The following ARVCF variants were observed in gnomAD, a reference collection of about 807,000 sequenced individuals.
ARVCF encodes splicing regulator ARVCF.
Under a neutral mutation model 90.9 loss-of-function variants are expected in ARVCF, and 66 were observed. The ratio of observed to expected loss-of-function variants is 0.73; its 90% confidence interval spans 0.60 to 0.89. ARVCF has a LOEUF of 0.89. Among genes scored for constraint, ARVCF ranks in the 40% least tolerant of loss-of-function variants. ARVCF has a pLI of 0.00. For missense variants in ARVCF, 1,469 were observed against 1,382.3 expected, an observed-to-expected ratio of 1.06 and a Z score of -1.00; for synonymous variants, 653 against 603.4, an observed-to-expected ratio of 1.08 and a Z score of -1.21.
intron 3 of ARVCF, among the ~76,000 whole-genome samples, chr22:19,989,387 CGACACCAAGTCTG>C (rs1943942707): frequency 6.6e-6 from 1 of 152,150 alleles, no homozygotes; most frequent in Non-Finnish European, 1.5e-5. Flanking sequence ...GCCTGCTGGC[CGACACCAAGTCTG>C]GACACCAAGA....
chr22:19,986,963 T>C, intron 3 of ARVCF: 2 of 609,952 alleles, frequency 3.3e-6, no homozygotes, highest in Admixed American at 5.4e-5. Flanking sequence ...AATAGCTGCC[T>C]CGGGCCAGCG....
At chr22:19,995,032 G>T (rs1341839047) in intron 2 of ARVCF, among the ~76,000 whole-genome samples, 1 of 151,930 alleles carries the variant, frequency 6.6e-6, no homozygotes, top group African/African-American at 2.4e-5. Context: ...TAGACAGCTA[G>T]ATGGATGATT....
intron 2 of ARVCF, among the ~76,000 whole-genome samples, chr22:20,001,680 G>A (rs1231607402): frequency 6.6e-6 from 1 of 152,178 alleles, no homozygotes; most frequent in East Asian, 1.9e-4. Context: ...GGTGGTGCAT[G>A]CCTGTAATCC....
intron 3 of ARVCF, among the ~76,000 whole-genome samples, chr22:19,982,978 G>A (rs1035038101): frequency 6.6e-6 from 1 of 152,234 alleles, no homozygotes; most frequent in African/African-American, 2.4e-5. Context: ...TTGCCAGTGG[G>A]GAAACTGAGG....
At position 19,974,145 on chromosome 22, in the gene ARVCF, G is replaced by A. The variant is rs115025697; in HGVS notation, c.2055C>T (p.Gly685=). Residue 685 remains glycine (G), a synonymous_variant, in exon 12 of 20, where the codon GGC becomes GGT. Transcript: ENST00000263207. ...TGCCGGCACTGAGGTTCTGCAGAGC[G>A]CCGGCGGCAGCCTCCAGGGTGTTGA... ...RNFNTLEAAA[G]ALQNLSAGNW... The A allele has an allele frequency of 3.7e-6, 6 of 1,612,568 alleles. No individual in the cohort carries two copies. Among genetic ancestry groups the A allele is most frequent in the East Asian group, 4.5e-5 (2 of 44,864 alleles).
intron 18 of ARVCF, 51 bp from the exon 19 acceptor site, chr22:19,971,386 G>C (rs1942773865): frequency 1.3e-6 from 2 of 1,519,988 alleles, no homozygotes; most frequent in East Asian, 4.9e-5. Flanking sequence ...GTTAGTTAGA[G>C]CTCCTGGGGG....
chr22:20,012,638 A>T (rs943181625), intron 1 of ARVCF, among the ~76,000 whole-genome samples: 1 of 152,210 alleles, frequency 6.6e-6, no homozygotes, highest in African/African-American at 2.4e-5. Flanking sequence ...GCCTGGGCCT[A>T]CCCATGCCAT....
chr22:19,989,932 C>A (rs922652386), intron 3 of ARVCF, among the ~76,000 whole-genome samples: 4 of 152,326 alleles, frequency 2.6e-5, no homozygotes, highest in Non-Finnish European at 5.9e-5. Flanking sequence ...AGTCTCCCTG[C>A]ATGTACTTGT....
At position 19,981,625 on chromosome 22, in the gene ARVCF, C is replaced by A. The variant is rs762058262; in HGVS notation, c.482G>T (p.Gly161Val). ...GGPPLGPFAD[G>V]ALDRHFLLRG... ...CAGCAGGAAATGCCGGTCCAGGGCA[C>A]CATCTGCAAAAGGGCCTAGTGGGGG... Residue 161 changes from glycine to valine, a missense_variant, in exon 5 of 20, where the codon GGT becomes GTT. Coordinates refer to ENST00000263207, the MANE Select transcript of ARVCF (RefSeq NM_001670.3). 2.5e-6 allele frequency: 4 copies of A among 1,608,838 alleles called. No homozygotes were observed. The South Asian group carries it at 4.4e-5, about 18-fold the overall frequency.
chr22:19,983,597 C>G (rs1438463370), intron 3 of ARVCF: 1 of 152,474 alleles, frequency 6.6e-6, no homozygotes, highest in Non-Finnish European at 1.5e-5. Flanking sequence ...CCCTCTCCCA[C>G]AGGCAGGGTC....
intron 2 of ARVCF, among the ~76,000 whole-genome samples, chr22:19,996,373 A>G (rs1047176917): frequency 9.9e-5 from 15 of 151,408 alleles, no homozygotes; most frequent in Admixed American, 2.0e-4. Flanking sequence ...GACACCATTT[A>G]GAGCAACACA....
chr22:19,981,266 C>T lies in ARVCF; in HGVS notation c.841G>A (p.Asp281Asn). 1 of 1,569,044 alleles carries T rather than the reference C, an allele frequency of 6.4e-7. No homozygotes were observed. Among genetic ancestry groups the T allele is most frequent in the South Asian group, 1.2e-5 (1 of 85,436 alleles). Reference protein sequence around the residue: ...DDEGGPELEPDYGTATRRRPE... With the variant: ...DDEGGPELEPNYGTATRRRPE... The stretch of plus-strand genomic sequence containing the variant: ...CTCCTCCTTGTGGCCGTGCCATAGT[C>T]AGGCTCCAGCTCAGGGCCACCCTCG... Residue 281 changes from aspartate to asparagine, a missense_variant, in exon 5 of 20, where the codon GAC becomes AAC. Asp to Asn is a conservative substitution (Grantham distance 23). Transcript: ENST00000263207.
chr22:19,975,909 A>T, intron 10 of ARVCF, 152 bp from the exon 11 acceptor site: 1 of 745,870 alleles, frequency 1.3e-6, no homozygotes, highest in Non-Finnish European at 2.2e-6. Context: ...CCGTTGTCAG[A>T]GTTTGGGCAG....
At chr22:19,980,981 G>A (rs1943459007) in intron 5 of ARVCF, 10 of 540,414 alleles carry the variant, frequency 1.9e-5, no homozygotes, top group Non-Finnish European at 3.1e-5. Flanking sequence ...CCAGTGGCCG[G>A]CACTCTTCCC....
intron 2 of ARVCF, among the ~76,000 whole-genome samples, chr22:19,996,838 G>T (rs998353052): frequency 1.3e-5 from 2 of 152,170 alleles, no homozygotes; most frequent in Non-Finnish European, 2.9e-5. Context: ...GATTCAGCCT[G>T]GAAATTTGAT....
intron 10 of ARVCF, among the ~76,000 whole-genome samples, chr22:19,976,404 G>T (rs1943153720): frequency 6.6e-6 from 1 of 152,132 alleles, no homozygotes; most frequent in Admixed American, 6.5e-5. Context: ...TGGGACCCTT[G>T]TATCCCTCCG....
At chr22:19,968,650 T>C, downstream of ARVCF, 1 of 1,614,048 alleles carries the variant, frequency 6.2e-7, no homozygotes, top group South Asian at 1.1e-5. Flanking sequence ...GTGCACACAC[T>C]ACCAATCGTT....
At chr22:19,972,267 C>T (rs1942853429) in intron 17 of ARVCF, 91 bp downstream of exon 17, 3 of 1,546,174 alleles carry the variant, frequency 1.9e-6, no homozygotes, top group Non-Finnish European at 2.7e-6. Context: ...CTCCACCCAG[C>T]ACCATCTACA....
intron 7 of ARVCF, 40 bp downstream of exon 7, chr22:19,978,857 T>G (rs1326346951): frequency 6.3e-7 from 1 of 1,582,174 alleles, no homozygotes; most frequent in African/African-American, 1.3e-5. Flanking sequence ...GGACGGGGCC[T>G]GGTGTGCATG....
Sources: gnomAD v4.1 joint callset for allele counts (sites outside exome capture counted in the v4.1 genomes callset) on GRCh38, gnomAD v4.1.1 for gene constraint, MANE v1.5 for transcripts, NCBI Gene and HGNC (gene_info 2026-07-23, HGNC 2026-07-21) for gene names.